The following GLIS3 variants were observed in gnomAD, a reference collection of about 807,000 sequenced individuals.
GLIS3 encodes zinc finger protein GLIS3.
A neutral mutation model predicts 78.6 loss-of-function variants in GLIS3; 53 were observed. The observed-to-expected ratio is 0.67, with a 90% CI of 0.54 to 0.85. GLIS3 has a LOEUF of 0.85. Among genes scored for constraint, GLIS3 ranks in the 40% least tolerant of loss-of-function variants. GLIS3 has a pLI of 0.00. For missense variants in GLIS3, 1,703 were observed against 1,231.1 expected, an observed-to-expected ratio of 1.38 and a Z score of -5.74; for synonymous variants, 684 against 509.9, an observed-to-expected ratio of 1.34 and a Z score of -4.60.
chr9:4,256,381 C>A (rs949399614), intron 2 of GLIS3, among the ~76,000 whole-genome samples: 2 of 152,082 alleles, frequency 1.3e-5, no homozygotes, highest in African/African-American at 4.8e-5. Context: ...TAAGAAAATA[C>A]CTGGACAACT....
At chr9:4,438,115 C>A in the GLIS3 span, among the ~76,000 whole-genome samples, 4 of 152,062 alleles carry the variant, frequency 2.6e-5, no homozygotes, top group African/African-American at 9.7e-5. Flanking sequence ...AAACCTAACT[C>A]CAGAACCAGT....
chr9:3,869,805 G>C (rs1320407462), intron 8 of GLIS3, among the ~76,000 whole-genome samples: 3 of 152,096 alleles, frequency 2.0e-5, no homozygotes, highest in African/African-American at 7.2e-5. Context: ...CTCACCAAAA[G>C]CTAACAATTC....
intron 7 of GLIS3, among the ~76,000 whole-genome samples, chr9:3,887,478 TAAATAAAGCA>T (rs1326628364): frequency 6.6e-6 from 1 of 152,002 alleles, no homozygotes; most frequent in Non-Finnish European, 1.5e-5. Context: ...GGAACAGAAA[TAAATAAAGCA>T]AAATGAGAAT....
chr9:4,392,975 T>C, the GLIS3 span, among the ~76,000 whole-genome samples: 1 of 152,280 alleles, frequency 6.6e-6, no homozygotes, highest in East Asian at 1.9e-4. Context: ...TTAACTTGTT[T>C]TTTAAAGTGA....
At position 4,131,416 on chromosome 9, in the gene GLIS3, C is replaced by G. The variant is rs868358333; in HGVS notation, c.389-5475G>C. On this transcript the variant is annotated intron_variant, in intron 2 of 10. Transcript: ENST00000381971. ...CAAATCTCATGTTCAATTGTAATGCCCAATTTTGGAGGTGGGGCCTGGTGG... is the reference window on the plus strand; with the variant it reads ...CAAATCTCATGTTCAATTGTAATGCGCAATTTTGGAGGTGGGGCCTGGTGG... 5.9e-5 allele frequency among the ~76,000 whole-genome samples: 9 copies of G among 152,070 alleles called. No homozygotes were observed. The South Asian group carries it at 8.3e-4, about 14-fold the overall frequency.
chr9:4,466,141 A>G, the GLIS3 span, among the ~76,000 whole-genome samples: 1 of 152,230 alleles, frequency 6.6e-6, no homozygotes, highest in Non-Finnish European at 1.5e-5. Flanking sequence ...TGCAGATCTA[A>G]AGGACCTTAA....
At chr9:4,158,065 G>A (rs1247192823) in intron 2 of GLIS3, among the ~76,000 whole-genome samples, 3 of 152,104 alleles carry the variant, frequency 2.0e-5, no homozygotes, top group South Asian at 2.1e-4. Flanking sequence ...ATTTTATTCT[G>A]TAGTTTAACA....
intron 4 of GLIS3, among the ~76,000 whole-genome samples, chr9:4,115,910 G>A (rs146958621): frequency 8.8e-4 from 134 of 152,258 alleles, no homozygotes; most frequent in African/African-American, 3.1e-3. Flanking sequence ...ATCAGAGGAA[G>A]AGAAATCATC....
the GLIS3 span, among the ~76,000 whole-genome samples, chr9:4,484,239 A>AT: frequency 0.062 from 7,823 of 127,046 alleles, 368 homozygotes; most frequent in African/African-American, 0.085. Context: ...TTTTTTTTTT[A>AT]TTTTTTTTAT....
the GLIS3 span, among the ~76,000 whole-genome samples, chr9:4,365,165 G>C: frequency 6.6e-6 from 1 of 152,136 alleles, no homozygotes; most frequent in South Asian, 2.1e-4. Flanking sequence ...ACTGCGAAGT[G>C]TTATGTGTGG....
chr9:4,053,706 A>T (rs372830282), intron 4 of GLIS3, among the ~76,000 whole-genome samples: 9 of 35,408 alleles, frequency 2.5e-4, no homozygotes, highest in Non-Finnish European at 3.3e-4. Context: ...CTTTCTTCAT[A>T]AAAAAAAAAA....
intron 2 of GLIS3, among the ~76,000 whole-genome samples, chr9:4,219,791 G>T (rs977050801): frequency 6.6e-6 from 1 of 152,170 alleles, no homozygotes; most frequent in Non-Finnish European, 1.5e-5. Flanking sequence ...GCAGGTCCAC[G>T]CAGAGCAAAG....
the GLIS3 span, among the ~76,000 whole-genome samples, chr9:4,405,591 C>A: frequency 6.6e-6 from 1 of 152,026 alleles, no homozygotes; most frequent in African/African-American, 2.4e-5. Context: ...TAAAAAGTCT[C>A]CTAGTAAAGA....
chr9:3,918,280 C>A (rs1246620409), intron 6 of GLIS3, among the ~76,000 whole-genome samples: 1 of 152,186 alleles, frequency 6.6e-6, no homozygotes, highest in African/African-American at 2.4e-5. Context: ...GAAGGACCAA[C>A]AAGAACTCCA....
At chr9:4,443,483 A>G in the GLIS3 span, among the ~76,000 whole-genome samples, 1 of 152,258 alleles carries the variant, frequency 6.6e-6, no homozygotes, top group Admixed American at 6.5e-5. Flanking sequence ...TGACTAGCAG[A>G]AAAATAAACA....
chr9:4,095,532 G>GA (rs1197765106), intron 4 of GLIS3, among the ~76,000 whole-genome samples: 1 of 152,300 alleles, frequency 6.6e-6, no homozygotes, highest in East Asian at 1.9e-4. Flanking sequence ...AAGGATTACT[G>GA]AATGATGGGT....
chr9:3,848,749 G>T (rs1327389088), intron 9 of GLIS3, among the ~76,000 whole-genome samples: 1 of 152,188 alleles, frequency 6.6e-6, no homozygotes, highest in Non-Finnish European at 1.5e-5. Flanking sequence ...TGGCTCTTTG[G>T]TGGGACAAGC....
At chr9:4,364,830 C>T in the GLIS3 span, among the ~76,000 whole-genome samples, 26 of 135,448 alleles carry the variant, frequency 1.9e-4, no homozygotes, top group Admixed American at 5.1e-4. Flanking sequence ...TGAAGCACAG[C>T]GGCTATTCAC....
At chr9:3,855,855 A>T in intron 9 of GLIS3, 154 bp downstream of exon 9, 1 of 797,506 alleles carries the variant, frequency 1.3e-6, no homozygotes, top group Non-Finnish European at 2.2e-6. Flanking sequence ...ATAGGATTTC[A>T]TGCCTATCAA....
Sources: allele counts gnomAD v4.1 joint callset (sites outside exome capture counted in the v4.1 genomes callset), GRCh38; gene constraint gnomAD v4.1.1; transcripts MANE v1.5; gene names NCBI Gene and HGNC (gene_info 2026-07-23, HGNC 2026-07-21).